COL23A1: variants seen among roughly 807,000 people sequenced by gnomAD.
The protein encoded by COL23A1 is collagen alpha-1(XXIII) chain.
In COL23A1, 97 loss-of-function variants were observed where a neutral mutation model predicts 99.3. The ratio of observed to expected loss-of-function variants is 0.98; its 90% confidence interval spans 0.83 to 1.16. COL23A1 has a LOEUF of 1.16. COL23A1 is among the 50% of genes most tolerant of loss of function. The probability of loss-of-function intolerance (pLI) is 0.00; values close to 1 mark genes in which losing one functional copy is unlikely to be tolerated. For missense variants in COL23A1, 762 were observed against 757.4 expected (o/e 1.01, Z -0.07); for synonymous variants, 320 against 308.2 (o/e 1.04, Z -0.40).
At position 178,291,471 on chromosome 5, in the gene COL23A1, G is replaced by A. The variant is rs1757454765; in HGVS notation, c.407-1102C>T. On this transcript the variant is annotated intron_variant, in intron 3 of 28. Coordinates refer to ENST00000390654, the MANE Select transcript of COL23A1 (RefSeq NM_173465.4). ...GTCCAGAGGGTGAGAAAAGAGGAGG[G>A]AGGAGTGTTGCAGAGATGGACAAGC... Among the ~76,000 whole-genome samples the A allele has an allele frequency of 2.0e-5, 3 of 152,242 alleles. No homozygotes were observed. The South Asian group carries it at 6.2e-4, about 31-fold the overall frequency.
At chr5:178,273,867 G>A (rs1425937526) in intron 5 of COL23A1, among the ~76,000 whole-genome samples, 2 of 152,210 alleles carry the variant, frequency 1.3e-5, no homozygotes, top group Non-Finnish European at 2.9e-5. Context: ...CACCTACCTG[G>A]CTTGGGGATG....
Position 178,354,272 on chromosome 5 carries a change from G to T in COL23A1, c.362-47353C>A, listed in dbSNP as rs192336455. On this transcript the variant is annotated intron_variant, in intron 2 of 28. Transcript: ENST00000390654. ...GTTGCCCAGGCTGGAGTGCAATCGTGATCATAGCTCACAGCAGCCTCCAAC... is the reference window on the plus strand; with the variant it reads ...GTTGCCCAGGCTGGAGTGCAATCGTTATCATAGCTCACAGCAGCCTCCAAC... Among the ~76,000 whole-genome samples the T allele has an allele frequency of 3.9e-5, 6 of 152,276 alleles. No individual in the cohort carries two copies. In the East Asian group the frequency reaches 1.2e-3, roughly 29 times the overall value.
chr5:178,251,925 T>TTTTTTTTTTTTTC (rs1554125608), intron 17 of COL23A1, among the ~76,000 whole-genome samples: 2 of 142,796 alleles, frequency 1.4e-5, no homozygotes, highest in African/African-American at 5.1e-5. Context: ...TTTTTTTTTT[T>TTTTTTTTTTTTTC]ATTTTGAGAC....
intron 2 of COL23A1, among the ~76,000 whole-genome samples, chr5:178,322,235 G>T (rs1210605647): frequency 1.3e-5 from 2 of 150,312 alleles, no homozygotes; most frequent in East Asian, 4.0e-4. Context: ...CTCGTGATCC[G>T]CCTGCCTCAG....
chr5:178,262,022 G>A (rs1406047824), intron 10 of COL23A1, among the ~76,000 whole-genome samples, 195 bp downstream of exon 10: 5 of 152,228 alleles, frequency 3.3e-5, no homozygotes, highest in African/African-American at 1.2e-4. Context: ...GCCTCACCCA[G>A]CCATTTCCCC....
intron 2 of COL23A1, among the ~76,000 whole-genome samples, chr5:178,368,529 AG>A (rs1762618676): frequency 6.6e-6 from 1 of 152,190 alleles, no homozygotes; most frequent in Non-Finnish European, 1.5e-5. Context: ...AATGACACGT[AG>A]CCACCGCTAT....
chr5:178,264,445 G>A lies in COL23A1; in HGVS notation c.523-1121C>T, dbSNP rs538155957. 3.3e-5 allele frequency among the ~76,000 whole-genome samples: 5 copies of A among 152,106 alleles called. No homozygotes were observed. In the South Asian group the frequency reaches 8.3e-4, roughly 25 times the overall value. On this transcript the variant is annotated intron_variant, in intron 8 of 28. Coordinates refer to ENST00000390654, the MANE Select transcript of COL23A1 (RefSeq NM_173465.4). ...TACTGGGGTCAGACCTCAGGCAGCC[G>A]GAGCCCCACCTCATGGCCCAACCCG... is the stretch of plus-strand genomic sequence containing the variant.
chr5:178,354,397 A>G (rs1165328789), intron 2 of COL23A1, among the ~76,000 whole-genome samples: 2 of 151,974 alleles, frequency 1.3e-5, no homozygotes, highest in Non-Finnish European at 2.9e-5. Flanking sequence ...TTCTGTAGAG[A>G]CAGGGTTTTC....
At chr5:178,584,308 CCACACACA>C (rs4045513) in intron 1 of COL23A1, among the ~76,000 whole-genome samples, 37 of 145,138 alleles carry the variant, frequency 2.5e-4, no homozygotes, top group East Asian at 8.1e-4. Context: ...CTGCACCTGG[CCACACACA>C]CACACACACA....
intron 2 of COL23A1, among the ~76,000 whole-genome samples, chr5:178,502,948 G>T (rs572142366): frequency 6.6e-6 from 1 of 152,186 alleles, no homozygotes; most frequent in East Asian, 1.9e-4. Flanking sequence ...GACAGCTCCC[G>T]ACCACCAGCA....
Position 178,538,876 on chromosome 5 carries a change from G to A in COL23A1, c.361+21806C>T, listed in dbSNP as rs147708880. On this transcript the variant is annotated intron_variant, in intron 2 of 28. Coordinates refer to ENST00000390654, the MANE Select transcript of COL23A1 (RefSeq NM_173465.4). ...CACACTGTGGAGTAGCCATACAACAGAACATTACTCAGCCATAAAAAAAGA... is the reference window on the plus strand; with the variant it reads ...CACACTGTGGAGTAGCCATACAACAAAACATTACTCAGCCATAAAAAAAGA... Among the ~76,000 whole-genome samples, 115 of 152,216 alleles carry A rather than the reference G, an allele frequency of 7.6e-4. 1 individual carries two copies. The highest frequency in any genetic ancestry group is 5.0e-3 in the South Asian group (24 of 4,826).
At chr5:178,304,593 T>C (rs1758253179) in intron 3 of COL23A1, among the ~76,000 whole-genome samples, 3 of 147,168 alleles carry the variant, frequency 2.0e-5, no homozygotes, top group Non-Finnish European at 3.0e-5. Context: ...AGGGAAGGCA[T>C]GAAAGCCAGG....
rs114628714 is a variant in COL23A1, at chr5:178,574,301, T to C, written c.295-13553A>G. On this transcript the variant is annotated intron_variant, in intron 1 of 28. Transcript: ENST00000390654. Reference sequence around the variant, plus strand: ...AGATGTTAAAAATATTCTGTACTTATTGGAGATGCTGGTCATGGGCGCATA... The same window carrying C: ...AGATGTTAAAAATATTCTGTACTTACTGGAGATGCTGGTCATGGGCGCATA... 9.6e-3 allele frequency among the ~76,000 whole-genome samples: 1,462 copies of C among 152,320 alleles called. 32 individuals carry two copies. The highest frequency in any genetic ancestry group is 0.033 in the African/African-American group (1,387 of 41,572).
chr5:178,563,752 A>G (rs1360215883), intron 1 of COL23A1, among the ~76,000 whole-genome samples: 1 of 151,922 alleles, frequency 6.6e-6, no homozygotes, highest in Non-Finnish European at 1.5e-5. Flanking sequence ...GGCTGGTCCC[A>G]AATTCCTGGG....
At chr5:178,498,247 T>TAG (rs1758326106) in intron 2 of COL23A1, among the ~76,000 whole-genome samples, 1 of 60,844 alleles carries the variant, frequency 1.6e-5, no homozygotes, top group African/African-American at 1.2e-4. Context: ...TATATATATA[T>TAG]ATATATATAT....
intron 2 of COL23A1, among the ~76,000 whole-genome samples, chr5:178,531,517 G>A (rs1412057033): frequency 2.6e-5 from 4 of 152,172 alleles, no homozygotes; most frequent in Admixed American, 6.5e-5. Flanking sequence ...AAACACCCCT[G>A]AGCAGATACA....
At chr5:178,477,640 C>T (rs1300556037) in intron 2 of COL23A1, among the ~76,000 whole-genome samples, 2 of 152,138 alleles carry the variant, frequency 1.3e-5, no homozygotes, top group Admixed American at 6.5e-5. Flanking sequence ...GAAGGACACC[C>T]GAAGTTCGTG....
chr5:178,572,426 A>G (rs550386922), intron 1 of COL23A1, among the ~76,000 whole-genome samples: 21 of 152,136 alleles, frequency 1.4e-4, no homozygotes, highest in Non-Finnish European at 2.8e-4. Flanking sequence ...AAGAATCACA[A>G]TGAAACCCAA....
intron 11 of COL23A1, among the ~76,000 whole-genome samples, chr5:178,261,200 G>T (rs1765606477): frequency 6.6e-6 from 1 of 152,088 alleles, no homozygotes; most frequent in Non-Finnish European, 1.5e-5. Flanking sequence ...ATAACCTGAG[G>T]TCAGGAGTTC....
Sources: gnomAD v4.1 joint callset for allele counts (sites outside exome capture counted in the v4.1 genomes callset) on GRCh38, gnomAD v4.1.1 for gene constraint, MANE v1.5 for transcripts, NCBI Gene and HGNC (gene_info 2026-07-23, HGNC 2026-07-21) for gene names.